Variants in MCTP1 observed in about 807,000 individuals in gnomAD.
MCTP1 encodes multiple C2 and transmembrane domain containing 1.
MCTP1 carries 69 observed loss-of-function variants against 120.6 expected under a neutral mutation model. The ratio of observed to expected loss-of-function variants is 0.57; its 90% CI spans 0.47 to 0.70. The LOEUF is 0.70. MCTP1 is among the 30% of genes least tolerant of loss of function. The pLI, the probability that MCTP1 is intolerant of heterozygous loss-of-function variation, is 0.00. For missense variants in MCTP1, 1,203 were observed against 1,248.8 expected (o/e 0.96, Z 0.55); for synonymous variants, 529 against 493.1 (o/e 1.07, Z -0.96).
chr5:94,782,916 C>T (rs1776875139), intron 18 of MCTP1, among the ~76,000 whole-genome samples: 1 of 152,076 alleles, frequency 6.6e-6, no homozygotes, highest in Admixed American at 6.6e-5. Flanking sequence ...GGGGGAATAT[C>T]ACAGATCGGC....
At chr5:94,994,569 T>C (rs1368596470) in intron 2 of MCTP1, among the ~76,000 whole-genome samples, 2 of 152,168 alleles carry the variant, frequency 1.3e-5, no homozygotes, top group East Asian at 3.8e-4. Context: ...CAGTTTTCTG[T>C]TTGTCTGCCT....
chr5:94,722,010 T>TAA (rs1309156145), intron 19 of MCTP1, among the ~76,000 whole-genome samples: 1 of 152,164 alleles, frequency 6.6e-6, no homozygotes, highest in Admixed American at 6.5e-5. Context: ...TACTAGGTTT[T>TAA]AAATAGTCCC....
chr5:94,840,347 G>C (rs1045615955), intron 17 of MCTP1, among the ~76,000 whole-genome samples: 1 of 152,218 alleles, frequency 6.6e-6, no homozygotes, highest in African/African-American at 2.4e-5. Flanking sequence ...GAGGAACAGA[G>C]AGACGACAAA....
intron 1 of MCTP1, among the ~76,000 whole-genome samples, chr5:95,166,693 G>A (rs1036784579): frequency 2.0e-5 from 3 of 148,710 alleles, no homozygotes; most frequent in Non-Finnish European, 4.4e-5. Context: ...TCACCCTCCC[G>A]AGTAGCTGGG....
intron 19 of MCTP1, among the ~76,000 whole-genome samples, chr5:94,777,927 CGTGTGTGTGTGTGTGTGTGT>C (rs71615135): frequency 6.7e-6 from 1 of 148,850 alleles, no homozygotes; most frequent in South Asian, 2.1e-4. Flanking sequence ...AGAAAGTGTG[CGTGTGTGTGTGTGTGTGTGT>C]GTGTGTGTGT....
chr5:95,050,825 G>C (rs1162110282), intron 1 of MCTP1, among the ~76,000 whole-genome samples: 1 of 152,284 alleles, frequency 6.6e-6, no homozygotes, highest in East Asian at 1.9e-4. Flanking sequence ...TATGTAATTA[G>C]TTAAGATGAG....
At chr5:94,953,190 T>C (rs1021024574) in intron 3 of MCTP1, 29 bp downstream of exon 3, 3 of 1,562,400 alleles carry the variant, frequency 1.9e-6, no homozygotes, top group African/African-American at 2.8e-5. Context: ...CATCAGTTTC[T>C]ATCAGGAAAA....
chr5:95,275,173 T>C (rs1759726386), intron 1 of MCTP1, among the ~76,000 whole-genome samples: 1 of 152,346 alleles, frequency 6.6e-6, no homozygotes. Context: ...ATGACCTCTC[T>C]GAGTCAGAAG....
In MCTP1 at chr5:95,051,134, G is replaced by C. The variant is rs747527670; in HGVS notation, c.721-33650C>G. ...CCACTCAGTTCATGGTATGCTGTTAGGGCAGCCCTAGAAAACTGATATATA... is the reference window on the plus strand; with the variant it reads ...CCACTCAGTTCATGGTATGCTGTTACGGCAGCCCTAGAAAACTGATATATA... On this transcript the variant is annotated intron_variant, in intron 1 of 22. Transcript: ENST00000515393. 3.9e-5 allele frequency among the ~76,000 whole-genome samples: 6 copies of C among 152,138 alleles called. 1 individual carries two copies. In the South Asian group the frequency reaches 1.2e-3, roughly 32 times the overall value.
intron 1 of MCTP1, among the ~76,000 whole-genome samples, chr5:95,266,189 G>A (rs1370726791): frequency 6.6e-6 from 1 of 152,208 alleles, no homozygotes; most frequent in African/African-American, 2.4e-5. Context: ...TGCCCTGCAA[G>A]GTTCTAGGAT....
At chr5:95,028,057 C>G (rs1839607759) in intron 1 of MCTP1, among the ~76,000 whole-genome samples, 2 of 152,188 alleles carry the variant, frequency 1.3e-5, no homozygotes, top group Non-Finnish European at 2.9e-5. Flanking sequence ...CAAATAAGGT[C>G]AATGCTCTGC....
intron 20 of MCTP1, among the ~76,000 whole-genome samples, chr5:94,712,618 T>C (rs989727558): frequency 2.9e-4 from 44 of 152,156 alleles, no homozygotes; most frequent in African/African-American, 1.1e-3. Context: ...TGGGTCAATC[T>C]GGTTATCCTA....
chr5:94,995,110 C>T (rs1270407124), intron 2 of MCTP1, among the ~76,000 whole-genome samples: 1 of 152,114 alleles, frequency 6.6e-6, no homozygotes, highest in Non-Finnish European at 1.5e-5. Context: ...TACGAAACTC[C>T]CCTTCATATA....
At chr5:95,016,749 T>G (rs1562022267) in intron 2 of MCTP1, among the ~76,000 whole-genome samples, 1 of 152,082 alleles carries the variant, frequency 6.6e-6, no homozygotes, top group Non-Finnish European at 1.5e-5. Flanking sequence ...CCTGCCTCTA[T>G]CCTGGGTTCA....
At chr5:94,895,539 C>T (rs773621853) in intron 10 of MCTP1, among the ~76,000 whole-genome samples, 1 of 152,064 alleles carries the variant, frequency 6.6e-6, no homozygotes, top group Non-Finnish European at 1.5e-5. Flanking sequence ...AATATGGTGA[C>T]CACAAGGCTA....
intron 1 of MCTP1, among the ~76,000 whole-genome samples, chr5:95,280,602 G>A (rs1057511640): frequency 6.6e-6 from 1 of 152,168 alleles, no homozygotes; most frequent in Non-Finnish European, 1.5e-5. Context: ...CATCTGGTAT[G>A]ACAATATGGC....
intron 1 of MCTP1, among the ~76,000 whole-genome samples, chr5:95,209,242 G>A (rs1270796448): frequency 1.3e-5 from 2 of 152,114 alleles, no homozygotes; most frequent in East Asian, 3.9e-4. Flanking sequence ...GCCTCCTCTT[G>A]TCCTCTTTTC....
intron 17 of MCTP1, among the ~76,000 whole-genome samples, chr5:94,854,594 G>A (rs774469218): frequency 6.6e-6 from 1 of 151,802 alleles, no homozygotes; most frequent in Non-Finnish European, 1.5e-5. Flanking sequence ...CAATTACCGA[G>A]CTCGCTGACT....
In MCTP1 at chr5:95,100,389, A is replaced by C. The variant is rs1264208425; in HGVS notation, c.721-82905T>G. Reference sequence around the variant, plus strand: ...TTTTCAGCCCATCTGAGAGTAAATCAGTCATTCAGAAAATGAGGTTTTCAT... The same window carrying C: ...TTTTCAGCCCATCTGAGAGTAAATCCGTCATTCAGAAAATGAGGTTTTCAT... On this transcript the variant is annotated intron_variant, in intron 1 of 22. Transcript: ENST00000515393. 5.3e-5 allele frequency among the ~76,000 whole-genome samples: 8 copies of C among 152,352 alleles called. No homozygotes were observed. The East Asian group carries it at 5.8e-4, about 11-fold the overall frequency.
Sources: gnomAD v4.1 joint callset for allele counts (sites outside exome capture counted in the v4.1 genomes callset) on GRCh38, gnomAD v4.1.1 for gene constraint, MANE v1.5 for transcripts, NCBI Gene and HGNC (gene_info 2026-07-23, HGNC 2026-07-21) for gene names.